The following OBP2A variants were observed in gnomAD, a reference collection of about 807,000 sequenced individuals.
OBP2A encodes odorant binding protein 2A.
OBP2A carries 15 observed loss-of-function variants against 21.9 expected under a neutral mutation model. The ratio of observed to expected loss-of-function variants is 0.69; its 90% CI spans 0.46 to 1.06. The LOEUF (loss-of-function observed/expected upper bound fraction) is 1.06. Among genes scored for constraint, OBP2A ranks in the 50% least tolerant of loss-of-function variants. The pLI, the probability that OBP2A is intolerant of heterozygous loss-of-function variation, is 0.00. For synonymous variants in OBP2A, 86 were observed against 91.8 expected (o/e 0.94, Z 0.36); for missense variants, 192 against 220.1 (o/e 0.87, Z 0.81).
intron 3 of OBP2A, 122 bp downstream of exon 3, chr9:135,547,370 G>A (rs1158215631): frequency 3.5e-6 from 4 of 1,137,334 alleles, no homozygotes; most frequent in African/African-American, 3.1e-5. Flanking sequence ...CCTCCAAGGA[G>A]GGGCTGGCCT....
chr9:135,549,839 G>GC lies in OBP2A; in HGVS notation c.*9dup, dbSNP rs112851559. On this transcript the variant is annotated 3_prime_UTR_variant, in exon 7 of 7. Coordinates refer to ENST00000371776, the MANE Select transcript of OBP2A (RefSeq NM_014582.3). ...CTCTGCTCCTCTTCCCAGCACAGCA[G>GC]CCCCCGGGTCTGCACCTCCAGAGCC... 417,317 of 1,513,704 alleles carry GC rather than the reference G, an allele frequency of 0.28. 29,985 individuals are homozygous for GC. The highest frequency in any genetic ancestry group is 0.49 in the African/African-American group (35,113 of 71,142). 93.8% of individuals were successfully genotyped at this position (1,513,704 alleles called of 1,614,324 possible). A position where few individuals can be genotyped will look rare whatever the true frequency, so the allele number is the denominator to read the frequency against.
intron 4 of OBP2A, 131 bp downstream of exon 4, chr9:135,548,112 C>T (rs1293967091): frequency 1.6e-6 from 1 of 635,198 alleles, no homozygotes; most frequent in Non-Finnish European, 2.6e-6. Context: ...GTGTGCTAGG[C>T]ACCAAGCGCT....
intron 5 of OBP2A, among the ~76,000 whole-genome samples, chr9:135,549,054 ATGGGGTCTGGGGCTC>A: frequency 1.0e-5 from 1 of 99,770 alleles, no homozygotes; most frequent in African/African-American, 4.4e-5. Flanking sequence ...CTGGGCTGCG[ATGGGGTCTGGGGCTC>A]CGCGCTCTGG....
chr9:135,548,523 C>T (rs1832016488), intron 4 of OBP2A, 185 bp from the exon 5 acceptor site: 1 of 763,930 alleles, frequency 1.3e-6, no homozygotes, highest in Non-Finnish European at 2.1e-6. Context: ...GGCCTCCTCT[C>T]CCCCTTGCCT....
intron 6 of OBP2A, 191 bp from the exon 7 acceptor site, chr9:135,549,646 T>TC (rs1285294453): frequency 8.8e-6 from 5 of 569,356 alleles, no homozygotes; most frequent in East Asian, 2.9e-5. Context: ...CTCGGTCTAC[T>TC]CCCCCCCACC....
At chr9:135,549,163 C>T in intron 5 of OBP2A, 145 bp from the exon 6 acceptor site, 1 of 386,742 alleles carries the variant, frequency 2.6e-6, no homozygotes. Context: ...GGGTCTGGGG[C>T]TCCGCGCTCT....
intron 2 of OBP2A, 92 bp from the exon 3 acceptor site, chr9:135,547,086 C>T (rs1831957792): frequency 1.3e-6 from 2 of 1,500,362 alleles, no homozygotes; most frequent in Non-Finnish European, 1.9e-6. Context: ...GTGGAATTTT[C>T]AGGTTGCCGG....
At chr9:135,547,366 AGGAGGG>A in intron 3 of OBP2A, 118 bp downstream of exon 3, 1 of 1,177,902 alleles carries the variant, frequency 8.5e-7, no homozygotes, top group South Asian at 1.3e-5. Flanking sequence ...CCCACCTCCA[AGGAGGG>A]GCTGGCCTCT....
chr9:135,547,284 A>T, intron 3 of OBP2A, 36 bp downstream of exon 3: 2 of 1,598,950 alleles, frequency 1.3e-6, no homozygotes, highest in South Asian at 2.2e-5. Context: ...CCCCATGCCC[A>T]ACCCCGGATG....
rs199705095 is a variant in OBP2A, at chr9:135,549,399, T to A, written c.*1+68T>A. 15 of 1,346,686 alleles carry A rather than the reference T, an allele frequency of 1.1e-5. 4 individuals carry two copies. Among genetic ancestry groups the A allele is most frequent in the Non-Finnish European group, 1.6e-5 (15 of 955,732 alleles). 83.4% of individuals were successfully genotyped at this position (1,346,686 alleles called of 1,614,324 possible). Reference sequence around the variant, plus strand: ...TGGGTTCCCGGGGTTCGAGGGTACATCTGCTCTGGCCCTTCCCATCCCACA... The same window carrying A: ...TGGGTTCCCGGGGTTCGAGGGTACAACTGCTCTGGCCCTTCCCATCCCACA... On this transcript the variant is annotated intron_variant, in intron 6 of 6. Transcript: ENST00000371776.
At chr9:135,548,012 G>A in intron 4 of OBP2A, 31 bp downstream of exon 4, 1 of 1,492,076 alleles carries the variant, frequency 6.7e-7, no homozygotes, top group Non-Finnish European at 9.2e-7. Context: ...TGCATGTCCT[G>A]CCCCATGGTC....
chr9:135,547,877 G>A lies in OBP2A; in HGVS notation c.284G>A (p.Gly95Asp), dbSNP rs144739878. Residue 95 changes from glycine to aspartate, a missense_variant, in exon 4 of 7, where the codon GGC becomes GAC. Transcript: ENST00000371776. ...TCTTCTCTGTCATCTACAGATGGGG[G>A]CAGGAAGCTCATATACCTGCAGGAG... ...EEPGKFSAYGGRKLIYLQELP... is the reference protein window; with the variant it reads ...EEPGKFSAYGDRKLIYLQELP... The A allele has an allele frequency of 3.3e-4, 523 of 1,608,938 alleles. No homozygotes were observed. Among genetic ancestry groups the A allele is most frequent in the African/African-American group, 4.6e-4 (34 of 74,694 alleles).
rs1375948853 is a variant in OBP2A, at chr9:135,549,251, G to A, written c.491-57G>A. On this transcript the variant is annotated intron_variant, in intron 5 of 6. Transcript: ENST00000371776. ...GCTCTGAGCCCTGGGCTGCGATGGG[G>A]TCTGGGCCCTGGTCTAGGGCGCCTT... 3 of 1,365,514 alleles carry A rather than the reference G, an allele frequency of 2.2e-6. 1 individual carries two copies. Among genetic ancestry groups the A allele is most frequent in the South Asian group, 2.3e-5 (2 of 85,118 alleles). The allele number at this position is 1,365,514 out of a possible 1,614,324, so 84.6% of individuals were successfully genotyped here.
chr9:135,547,884 G>A lies in OBP2A; in HGVS notation c.291G>A (p.Lys97=), dbSNP rs747682712. ...PGKFSAYGGR[K]LIYLQELPGT... ...TGTCATCTACAGATGGGGGCAGGAA[G>A]CTCATATACCTGCAGGAGCTGCCCG... The change falls in exon 4 of 7, where the codon AAG becomes AAA. Residue 97 remains lysine, a synonymous_variant. Transcript: ENST00000371776. 2 of 1,610,596 alleles carry A rather than the reference G, an allele frequency of 1.2e-6. No individual in the cohort carries two copies. The highest frequency in any genetic ancestry group is 2.7e-5 in the African/African-American group (2 of 74,784).
In OBP2A at chr9:135,547,893, C is replaced by T. The variant is rs771265536; in HGVS notation, c.300C>T (p.Tyr100=). The change falls in exon 4 of 7, where the codon TAC becomes TAT. Residue 100 remains tyrosine (Y), a synonymous_variant. Coordinates refer to ENST00000371776, the MANE Select transcript of OBP2A (RefSeq NM_014582.3). ...CAGATGGGGGCAGGAAGCTCATATA[C>T]CTGCAGGAGCTGCCCGGGACGGACG... The part of the protein sequence containing the change: ...FSAYGGRKLI[Y]LQELPGTDDY... 6.2e-7 allele frequency: 1 copy of T among 1,612,390 alleles called. No homozygotes were observed. The highest frequency in any genetic ancestry group is 8.5e-7 in the Non-Finnish European group (1 of 1,179,346).
chr9:135,547,915 G>A lies in OBP2A; in HGVS notation c.322G>A (p.Asp108Asn). Residue 108 changes from aspartate to asparagine, a missense_variant, in exon 4 of 7, where the codon GAC becomes AAC. By Grantham distance (23) the Asp-to-Asn change is conservative. Coordinates refer to ENST00000371776, the MANE Select transcript of OBP2A (RefSeq NM_014582.3). Reference protein sequence around the residue: ...LIYLQELPGTDDYVFYCKDQR... With the variant: ...LIYLQELPGTNDYVFYCKDQR... ...ATACCTGCAGGAGCTGCCCGGGACG[G>A]ACGACTACGTCTTTTACTGCAAAGA... The A allele has an allele frequency of 6.2e-7, 1 of 1,613,404 alleles. No homozygotes were observed. The highest frequency in any genetic ancestry group is 8.5e-7 in the Non-Finnish European group (1 of 1,179,680).
chr9:135,546,795 C>G lies in OBP2A; in HGVS notation c.90C>G (p.Tyr30Ter), dbSNP rs371191828. The change falls in exon 2 of 7, where the codon TAC becomes TAG. Residue 30 changes from tyrosine to a stop codon, truncating the protein, a stop_gained. Transcript: ENST00000371776. LOFTEE classifies it high-confidence loss of function. ...TGCTCCAGATCACAGGGACCTGGTA[C>G]GTGAAGGCCATGGTGGTCGATAAGG... ...LEEEDITGTW[Y>*]VKAMVVDKDF... 3.1e-6 allele frequency: 5 copies of G among 1,611,792 alleles called. No homozygotes were observed. In the East Asian group the frequency reaches 1.1e-4, roughly 36 times the overall value.
intron 1 of OBP2A, 24 bp from the exon 2 acceptor site, chr9:135,546,754 G>A (rs1287047406): frequency 6.3e-7 from 1 of 1,584,224 alleles, no homozygotes. Context: ...CCCATGGTGG[G>A]CTCACGGCCT....
rs200533613 is a variant in OBP2A, at chr9:135,549,890, G to A, written c.*55G>A. 66 of 1,548,128 alleles carry A rather than the reference G, an allele frequency of 4.3e-5. No individual in the cohort carries two copies. Among genetic ancestry groups the A allele is most frequent in the Non-Finnish European group, 5.0e-5 (57 of 1,145,858 alleles). ...CACCCTACCACCAGACACAGAGCCC[G>A]GACCACCTGGACCTACCCTCCAGCC... On this transcript the variant is annotated 3_prime_UTR_variant, in exon 7 of 7. Transcript: ENST00000371776.
Sources: allele counts gnomAD v4.1 joint callset (sites outside exome capture counted in the v4.1 genomes callset), GRCh38; gene constraint gnomAD v4.1.1; transcripts MANE v1.5; gene names NCBI Gene and HGNC (gene_info 2026-07-23, HGNC 2026-07-21).